Variants in PAG1 observed in about 807,000 individuals in gnomAD.
PAG1 encodes phosphoprotein membrane anchor with glycosphingolipid microdomains 1.
PAG1 carries 23 observed loss-of-function variants against 31.7 expected under a neutral mutation model. The ratio of observed to expected loss-of-function variants is 0.73; its 90% CI spans 0.52 to 1.03. The LOEUF is 1.03. Among genes scored for constraint, PAG1 ranks in the 50% least tolerant of loss-of-function variants. PAG1 has a pLI of 0.00. For missense variants in PAG1, 473 were observed against 540.7 expected (o/e 0.87, Z 1.24); for synonymous variants, 214 against 210.3 (o/e 1.02, Z -0.15).
At chr8:81,005,483 G>C (rs1807858884) in intron 3 of PAG1, among the ~76,000 whole-genome samples, 1 of 152,146 alleles carries the variant, frequency 6.6e-6, no homozygotes, top group South Asian at 2.1e-4. Flanking sequence ...TCAGTGATCA[G>C]AATCAGTCAT....
chr8:81,063,641 T>C (rs1808954404), intron 2 of PAG1, among the ~76,000 whole-genome samples: 1 of 152,166 alleles, frequency 6.6e-6, no homozygotes, highest in African/African-American at 2.4e-5. Context: ...GCTGTGAAAG[T>C]ATCACTCCAT....
At chr8:81,074,200 G>C (rs745513139) in intron 1 of PAG1, among the ~76,000 whole-genome samples, 1 of 152,306 alleles carries the variant, frequency 6.6e-6, no homozygotes, top group East Asian at 1.9e-4. Context: ...CCACTGAGAC[G>C]AAAGTGGGAC....
At chr8:81,056,293 G>A (rs551455681) in intron 2 of PAG1, among the ~76,000 whole-genome samples, 2 of 152,252 alleles carry the variant, frequency 1.3e-5, no homozygotes, top group East Asian at 3.9e-4. Flanking sequence ...CAAAGCTGGA[G>A]GCATCACGCT....
At chr8:80,983,475 GCA>G (rs1288910046) in intron 7 of PAG1, among the ~76,000 whole-genome samples, 1 of 152,146 alleles carries the variant, frequency 6.6e-6, no homozygotes, top group Non-Finnish European at 1.5e-5. Flanking sequence ...AGACTGTGTG[GCA>G]CACAGCAGGT....
chr8:81,029,270 C>T (rs1402930351), intron 3 of PAG1, among the ~76,000 whole-genome samples: 1 of 152,064 alleles, frequency 6.6e-6, no homozygotes, highest in Non-Finnish European at 1.5e-5. Flanking sequence ...TCCCACTAAG[C>T]TCATGATTCA....
intron 1 of PAG1, among the ~76,000 whole-genome samples, chr8:81,083,653 T>C (rs1007779337): frequency 6.6e-6 from 1 of 152,178 alleles, no homozygotes; most frequent in Non-Finnish European, 1.5e-5. Flanking sequence ...AGTCCTCTGG[T>C]TTCAGAAAAC....
Position 81,030,778 on chromosome 8 carries a change from C to T in PAG1, c.-174-689G>A, listed in dbSNP as rs567792570. On this transcript the variant is annotated intron_variant, in intron 2 of 8. Coordinates refer to ENST00000220597, the MANE Select transcript of PAG1 (RefSeq NM_018440.4). ...TAGCCCTTCCTCCTGCCCCCTTCCTCTCTAGTTCTCTTCCCATCCTCAAAT... is the reference window on the plus strand; with the variant it reads ...TAGCCCTTCCTCCTGCCCCCTTCCTTTCTAGTTCTCTTCCCATCCTCAAAT... Among the ~76,000 whole-genome samples, 4 of 152,344 alleles carry T rather than the reference C, an allele frequency of 2.6e-5. No individual in the cohort carries two copies. The East Asian group carries it at 5.8e-4, about 22-fold the overall frequency.
At chr8:81,100,376 A>G (rs1809590498) in intron 1 of PAG1, among the ~76,000 whole-genome samples, 1 of 152,252 alleles carries the variant, frequency 6.6e-6, no homozygotes, top group Non-Finnish European at 1.5e-5. Context: ...TTAAACAGAC[A>G]TCCCCTACCT....
chr8:81,044,011 A>G (rs1250103639), intron 2 of PAG1, among the ~76,000 whole-genome samples: 3 of 152,214 alleles, frequency 2.0e-5, no homozygotes, highest in Non-Finnish European at 4.4e-5. Flanking sequence ...AGGATAAAGT[A>G]AACAGCCCAC....
At chr8:81,019,704 T>C (rs1015219769) in intron 3 of PAG1, among the ~76,000 whole-genome samples, 1 of 152,228 alleles carries the variant, frequency 6.6e-6, no homozygotes, top group Non-Finnish European at 1.5e-5. Flanking sequence ...GGCAAGCTGA[T>C]GGACAACCTC....
chr8:81,026,055 C>T (rs1429802973), intron 3 of PAG1, among the ~76,000 whole-genome samples: 1 of 152,102 alleles, frequency 6.6e-6, no homozygotes, highest in Admixed American at 6.5e-5. Flanking sequence ...TGGCAAGTCA[C>T]TTACCCTCTC....
rs1418012238 is a variant in PAG1 at position 81,111,873 on chromosome 8, C to G, written c.-516G>C. On this transcript the variant is annotated 5_prime_UTR_variant, in exon 1 of 9. Coordinates refer to ENST00000220597, the MANE Select transcript of PAG1 (RefSeq NM_018440.4). Reference sequence around the variant, plus strand: ...GCCTCCAGCCCCGGAGCGCGGCGCTCCGAGCCCCTGGTGGGTGTCTCTGGC... The same window carrying G: ...GCCTCCAGCCCCGGAGCGCGGCGCTGCGAGCCCCTGGTGGGTGTCTCTGGC... 2.0e-5 allele frequency: 3 copies of G among 152,260 alleles called. No individual in the cohort carries two copies. Among genetic ancestry groups the G allele is most frequent in the Non-Finnish European group, 4.4e-5 (3 of 68,086 alleles). 9.4% of individuals were successfully genotyped at this position (152,260 alleles called of 1,614,324 possible).
chr8:81,008,284 C>T (rs1051487478), intron 3 of PAG1, among the ~76,000 whole-genome samples: 11 of 152,052 alleles, frequency 7.2e-5, no homozygotes, highest in African/African-American at 2.7e-4. Flanking sequence ...TAATAAATTG[C>T]CATGTTATAG....
chr8:81,030,775 C>T (rs1436394249), intron 2 of PAG1, among the ~76,000 whole-genome samples: 4 of 152,226 alleles, frequency 2.6e-5, no homozygotes. Flanking sequence ...CTGCCCCCTT[C>T]CTCTCTAGTT....
intron 2 of PAG1, among the ~76,000 whole-genome samples, chr8:81,032,116 A>AG (rs1281548308): frequency 2.6e-5 from 4 of 152,236 alleles, no homozygotes; most frequent in Non-Finnish European, 5.9e-5. Context: ...CAAAACTATT[A>AG]GAAAAAAAAC....
intron 2 of PAG1, among the ~76,000 whole-genome samples, chr8:81,061,268 A>G (rs1808913052): frequency 6.6e-6 from 1 of 152,252 alleles, no homozygotes; most frequent in Non-Finnish European, 1.5e-5. Flanking sequence ...CTACCATCAG[A>G]GCAGAACATT....
At chr8:80,993,966 T>C (rs1376110792) in intron 3 of PAG1, among the ~76,000 whole-genome samples, 2 of 152,022 alleles carry the variant, frequency 1.3e-5, no homozygotes, top group African/African-American at 4.8e-5. Flanking sequence ...AAATCCATGC[T>C]CATTTAGGTT....
intron 2 of PAG1, among the ~76,000 whole-genome samples, chr8:81,035,684 G>T (rs757715829): frequency 6.6e-6 from 1 of 152,104 alleles, no homozygotes; most frequent in African/African-American, 2.4e-5. Context: ...ATGTACTGGG[G>T]GCTGGCACTG....
intron 3 of PAG1, among the ~76,000 whole-genome samples, chr8:81,020,952 C>T (rs894664820): frequency 8.5e-5 from 13 of 152,174 alleles, no homozygotes; most frequent in East Asian, 1.9e-4. Flanking sequence ...TTCACAGATA[C>T]GAAAAATGAC....
Sources: allele counts gnomAD v4.1 joint callset (sites outside exome capture counted in the v4.1 genomes callset), GRCh38; gene constraint gnomAD v4.1.1; transcripts MANE v1.5; gene names NCBI Gene and HGNC (gene_info 2026-07-23, HGNC 2026-07-21).